Variants in KPNA2 observed in about 807,000 individuals in gnomAD.
The protein encoded by KPNA2 is karyopherin subunit alpha 2, also known as importin subunit alpha-1.
A neutral mutation model predicts 53.7 loss-of-function variants in KPNA2; 20 were observed. That is an observed-to-expected ratio of 0.37 (90% confidence interval 0.26 to 0.54). The LOEUF is 0.54. Among genes scored for constraint, KPNA2 ranks in the 20% least tolerant of loss-of-function variants. The pLI is 0.83. For missense variants in KPNA2, 515 were observed against 640.3 expected (o/e 0.80, Z 2.11); for synonymous variants, 238 against 227.5 (o/e 1.05, Z -0.42).
At position 68,043,129 on chromosome 17, in the gene KPNA2, A is replaced by C; in HGVS notation, c.696A>C (p.Thr232=). The C allele has an allele frequency of 6.2e-7, 1 of 1,614,018 alleles. No individual in the cohort carries two copies. The stretch of plus-strand genomic sequence containing the variant: ...GCTACTTACGTAATCTTACCTGGAC[A>C]CTTTCTAATCTTTGCCGCAACAAGA... ...ACGYLRNLTW[T]LSNLCRNKNP... is the part of the protein sequence containing the mutation. The change falls in exon 7 of 11, where the codon ACA becomes ACC. Residue 232 remains threonine, a synonymous_variant. Transcript: ENST00000330459.
In KPNA2 at chr17:68,046,661, A is replaced by G. The variant is rs1467046931; in HGVS notation, c.*65A>G. Reference sequence around the variant, plus strand: ...TGGTATTTTGTCTTATTGTTTCTCTACTAAGAACTCTTTCTTAAATGTGGT... The same window carrying G: ...TGGTATTTTGTCTTATTGTTTCTCTGCTAAGAACTCTTTCTTAAATGTGGT... On this transcript the variant is annotated 3_prime_UTR_variant, in exon 11 of 11. Coordinates refer to ENST00000330459, the MANE Select transcript of KPNA2 (RefSeq NM_002266.4). 1.0e-6 allele frequency: 1 copy of G among 987,298 alleles called. No individual in the cohort carries two copies. Among genetic ancestry groups the G allele is most frequent in the Non-Finnish European group, 1.6e-6 (1 of 626,666 alleles). 61.2% of individuals were successfully genotyped at this position (987,298 alleles called of 1,614,324 possible).
chr17:68,044,416 C>T lies in KPNA2; in HGVS notation c.1260C>T (p.Gly420=), dbSNP rs782393121. The T allele has an allele frequency of 3.7e-6, 6 of 1,613,768 alleles. No individual in the cohort carries two copies. The South Asian group carries it at 6.6e-5, about 18-fold the overall frequency. The change falls in exon 9 of 11, where the codon GGC becomes GGT. Residue 420 remains glycine, a synonymous_variant. Transcript: ENST00000330459. ...AGATTGTGTACCTTGTTCACTGTGG[C>T]ATAATAGAACCGTTGATGAACCTCT... ...VEQIVYLVHC[G]IIEPLMNLLT...
At chr17:68,043,814 A>T (rs782261606) in intron 7 of KPNA2, 24 bp from the exon 8 acceptor site, 40 of 1,421,460 alleles carry the variant, frequency 2.8e-5, no homozygotes, top group East Asian at 1.6e-4. Context: ...AATAACCAGC[A>T]TCAACATATT....
chr17:68,046,261 A>G (rs1555705406), intron 10 of KPNA2, among the ~76,000 whole-genome samples: 2 of 152,114 alleles, frequency 1.3e-5, no homozygotes, highest in African/African-American at 4.8e-5. Flanking sequence ...GTCTTTTCCT[A>G]TTGAAAAGTG....
rs781976247 is a variant in KPNA2 at position 68,046,528 on chromosome 17, C to T, written c.1522C>T (p.Pro508Ser). 6.2e-7 allele frequency: 1 copy of T among 1,609,770 alleles called. No individual in the cohort carries two copies. The highest frequency in any genetic ancestry group is 1.7e-5 in the Admixed American group (1 of 59,810). ...GGAAGAGGAAGATCAAAACGTTGTACCAGAAACTACCTCTGAAGGCTACAC... is the reference window on the plus strand; with the variant it reads ...GGAAGAGGAAGATCAAAACGTTGTATCAGAAACTACCTCTGAAGGCTACAC... ...VEEEEDQNVV[P>S]ETTSEGYTFQ... The change falls in exon 11 of 11, where the codon CCA becomes TCA. Residue 508 changes from proline to serine, a missense_variant. Coordinates refer to ENST00000330459, the MANE Select transcript of KPNA2 (RefSeq NM_002266.4).
In KPNA2 at chr17:68,037,154, A is replaced by G; in HGVS notation, c.22A>G (p.Asn8Asp). MSTNENA[N>D]TPAARLHRFK... ...AACCATGTCCACCAACGAGAATGCT[A>G]ATACACCAGCTGCCCGTCTTCACAG... Residue 8 changes from asparagine (N) to aspartate (D), a missense_variant, in exon 2 of 11, where the codon AAT becomes GAT. Asn to Asp is a conservative substitution (Grantham distance 23, BLOSUM62 1). Transcript: ENST00000330459. 6.2e-7 allele frequency: 1 copy of G among 1,613,486 alleles called. No individual in the cohort carries two copies. Among genetic ancestry groups the G allele is most frequent in the Non-Finnish European group, 8.5e-7 (1 of 1,179,678 alleles).
rs1555704448 is a variant in KPNA2, at chr17:68,040,722, TAGC to T, written c.263_265del (p.Ser88del). ...TTGATGACATTGTCAAAGGCATAAA[TAGC>T]AGCAATGTGGAAAATCAGCTCCAAG... On this transcript the variant is annotated inframe_deletion, in exon 4 of 11. Coordinates refer to ENST00000330459, the MANE Select transcript of KPNA2 (RefSeq NM_002266.4). 1 of 1,613,808 alleles carries T rather than the reference TAGC, an allele frequency of 6.2e-7. No homozygotes were observed. The highest frequency in any genetic ancestry group is 1.3e-5 in the African/African-American group (1 of 75,040).
Position 68,043,207 on chromosome 17 carries a change from G to T in KPNA2, c.774G>T (p.Arg258=), listed in dbSNP as rs147070876. 7 of 1,613,902 alleles carry T rather than the reference G, an allele frequency of 4.3e-6. No individual in the cohort carries two copies. The Admixed American group carries it at 1.2e-4, about 27-fold the overall frequency. Residue 258 remains arginine, a synonymous_variant, in exon 7 of 11, where the codon CGG becomes CGT. Coordinates refer to ENST00000330459, the MANE Select transcript of KPNA2 (RefSeq NM_002266.4). The part of the protein sequence containing the change: ...AVEQILPTLV[R]LLHHDDPEVL... Reference sequence around the variant, plus strand: ...AGCAGATTCTTCCTACCTTAGTTCGGCTCCTGCATCATGATGATCCAGAAG... The same window carrying T: ...AGCAGATTCTTCCTACCTTAGTTCGTCTCCTGCATCATGATGATCCAGAAG...
rs782281956 is a variant in KPNA2, at chr17:68,043,192, TCCTA to T, written c.763_766del (p.Thr255Ter). 3.1e-6 allele frequency: 5 copies of T among 1,614,192 alleles called. No homozygotes were observed. ...CGATAGATGCTGTTGAGCAGATTCT[TCCTA>T]CCTTAGTTCGGCTCCTGCATCATGA... On this transcript the variant is annotated frameshift_variant, in exon 7 of 11. Transcript: ENST00000330459. LOFTEE classifies it high-confidence loss of function.
Position 68,040,700 on chromosome 17 carries a change from A to C in KPNA2, c.236A>C (p.Asp79Ala). Residue 79 changes from aspartate (D) to alanine (A), a missense_variant, in exon 4 of 11, where the codon GAT becomes GCT. Asp to Ala is a moderately radical substitution (Grantham distance 126, BLOSUM62 -2). Transcript: ENST00000330459. ...NNQGTVNWSV[D>A]DIVKGINSSN... ...TAGGGCACTGTAAATTGGTCTGTTG[A>C]TGACATTGTCAAAGGCATAAATAGC... is the stretch of plus-strand genomic sequence containing the variant. 6.2e-7 allele frequency: 1 copy of C among 1,613,156 alleles called. No individual in the cohort carries two copies. The highest frequency in any genetic ancestry group is 8.5e-7 in the Non-Finnish European group (1 of 1,179,224).
intron 3 of KPNA2, among the ~76,000 whole-genome samples, chr17:68,037,799 CTT>C (rs797028460): frequency 2.8e-5 from 4 of 142,536 alleles, no homozygotes; most frequent in Admixed American, 7.1e-5. Flanking sequence ...TTTATTTCTT[CTT>C]TTTTTTTTTT....
Position 68,044,005 on chromosome 17 carries a change from C to A in KPNA2, c.1098C>A (p.Arg366=). 4 of 1,613,952 alleles carry A rather than the reference C, an allele frequency of 2.5e-6. No homozygotes were observed. The highest frequency in any genetic ancestry group is 2.5e-6 in the Non-Finnish European group (3 of 1,179,888). ...CAATGTCAAACATCACAGCCGGCCG[C>A]CAGGACCAGATACAGCAAGTTGTGA... ...TWTMSNITAG[R]QDQIQQVVNH... is the part of the protein sequence containing the mutation. The change falls in exon 8 of 11, where the codon CGC becomes CGA. Residue 366 remains arginine (R), a synonymous_variant. Transcript: ENST00000330459.
chr17:68,037,085 A>G lies in KPNA2; in HGVS notation c.-23-25A>G, dbSNP rs553957477. 23 of 1,409,382 alleles carry G rather than the reference A, an allele frequency of 1.6e-5. 1 individual carries two copies. The South Asian group carries it at 2.6e-4, about 16-fold the overall frequency. The allele number at this position is 1,409,382 out of a possible 1,614,324, so 87.3% of individuals were successfully genotyped here. A position where few individuals can be genotyped will look rare whatever the true frequency, so the allele number is the denominator to read the frequency against. Reference sequence around the variant, plus strand: ...GACAAAGGAAAATGATAAAGGAAATATTTTTCTCTTCCCCCATCTTTTAGC... The same window carrying G: ...GACAAAGGAAAATGATAAAGGAAATGTTTTTCTCTTCCCCCATCTTTTAGC... On this transcript the variant is annotated intron_variant, in intron 1 of 10. Coordinates refer to ENST00000330459, the MANE Select transcript of KPNA2 (RefSeq NM_002266.4).
chr17:68,040,587 G>C lies in KPNA2; in HGVS notation c.214-91G>C, dbSNP rs1005539647. 4.9e-6 allele frequency: 4 copies of C among 813,966 alleles called. No individual in the cohort carries two copies. In the African/African-American group the frequency reaches 5.1e-5, roughly 10 times the overall value. The allele number at this position is 813,966 out of a possible 1,614,324, so 50.4% of individuals were successfully genotyped here. ...TTTAGTAGCTGGCTATAAGCCTAAC[G>C]ATGTTTACACTTGCCTTCACAAGTA... On this transcript the variant is annotated intron_variant, in intron 3 of 10. Transcript: ENST00000330459.
chr17:68,042,004 A>AT, intron 4 of KPNA2, 81 bp from the exon 5 acceptor site: 1 of 1,238,432 alleles, frequency 8.1e-7, no homozygotes, highest in Non-Finnish European at 1.1e-6. Flanking sequence ...AAACTCTTGA[A>AT]TTGCATTTTA....
chr17:68,037,972 T>C (rs1244500028), intron 3 of KPNA2, among the ~76,000 whole-genome samples: 1 of 151,942 alleles, frequency 6.6e-6, no homozygotes, highest in African/African-American at 2.4e-5. Flanking sequence ...CTAGTTTTTG[T>C]ATTTTTTTGT....
intron 4 of KPNA2, among the ~76,000 whole-genome samples, chr17:68,041,275 A>T (rs2071256926): frequency 6.6e-6 from 1 of 152,226 alleles, no homozygotes; most frequent in South Asian, 2.1e-4. Context: ...ATCATTAAAA[A>T]GTTCTAGGCT....
chr17:68,044,338 A>G lies in KPNA2; in HGVS notation c.1182A>G (p.Gln394=), dbSNP rs147841208. 180 of 1,612,746 alleles carry G rather than the reference A, an allele frequency of 1.1e-4. 1 individual carries two copies. The African/African-American group carries it at 2.2e-3, about 19-fold the overall frequency. ...TTTAATAGGCAGATTTTAAGACACA[A>G]AAGGAAGCTGTGTGGGCCGTGACCA... ...SVLSKADFKT[Q]KEAVWAVTNY... The change falls in exon 9 of 11, where the codon CAA becomes CAG. Residue 394 remains glutamine (Q), a synonymous_variant. Transcript: ENST00000330459.
In KPNA2 at chr17:68,042,256, G is replaced by A; in HGVS notation, c.474G>A (p.Val158=). 1 of 1,614,138 alleles carries A rather than the reference G, an allele frequency of 6.2e-7. No individual in the cohort carries two copies. Among genetic ancestry groups the A allele is most frequent in the Non-Finnish European group, 8.5e-7 (1 of 1,180,018 alleles). The change falls in exon 5 of 11, where the codon GTG becomes GTA. Residue 158 remains valine (V), a synonymous_variant. Coordinates refer to ENST00000330459, the MANE Select transcript of KPNA2 (RefSeq NM_002266.4). The part of the protein sequence containing the change: ...ASGTSEQTKA[V]VDGGAIPAFI... ...GGACATCAGAACAAACCAAGGCTGTGGTAGATGGAGGTGCCATCCCAGCAT... is the reference window on the plus strand; with the variant it reads ...GGACATCAGAACAAACCAAGGCTGTAGTAGATGGAGGTGCCATCCCAGCAT...
Sources: allele counts gnomAD v4.1 joint callset (sites outside exome capture counted in the v4.1 genomes callset), GRCh38; gene constraint gnomAD v4.1.1; transcripts MANE v1.5; gene names NCBI Gene and HGNC (gene_info 2026-07-23, HGNC 2026-07-21).